The following MLIP variants were observed in gnomAD, a reference collection of about 807,000 sequenced individuals.
The protein encoded by MLIP is muscular LMNA interacting protein, also known as muscular LMNA-interacting protein.
Under a neutral mutation model 84.8 loss-of-function variants are expected in MLIP, and 79 were observed. The observed-to-expected ratio is 0.93, with a 90% CI of 0.78 to 1.12. The LOEUF is 1.12. Among genes scored for constraint, MLIP ranks in the 50% most tolerant of loss-of-function variants. MLIP has a pLI of 0.00. For missense variants in MLIP, 1,257 were observed against 1,160.6 expected (o/e 1.08, Z -1.21); for synonymous variants, 504 against 463.0 (o/e 1.09, Z -1.14).
intron 9 of MLIP, among the ~76,000 whole-genome samples, chr6:54,179,031 T>C (rs1189370425): frequency 2.0e-5 from 3 of 152,194 alleles, no homozygotes; most frequent in Non-Finnish European, 4.4e-5. Context: ...GAGGTCTATG[T>C]CTCTCTTTAG....
intron 9 of MLIP, among the ~76,000 whole-genome samples, chr6:54,181,269 C>T (rs751424126): frequency 6.6e-6 from 1 of 152,148 alleles, no homozygotes. Context: ...GGCAAAAGAG[C>T]CTCTCCCTGT....
Position 54,026,854 on chromosome 6 carries a change from A to T in MLIP, c.63+7763A>T, listed in dbSNP as rs115505875. ...ATTCCAGGAGACTGGTAGGTAATAC[A>T]GTTAAAGTTGTGCTTGTATGGCTTT... On this transcript the variant is annotated intron_variant, in intron 1 of 12. Coordinates refer to the MLIP transcript ENST00000274897. Among the ~76,000 whole-genome samples the T allele has an allele frequency of 4.3e-3, 655 of 152,284 alleles. 1 individual carries two copies. The highest frequency in any genetic ancestry group is 0.012 in the Admixed American group (181 of 15,288).
intron 8 of MLIP, among the ~76,000 whole-genome samples, chr6:54,164,542 A>G (rs529099121): frequency 1.5e-3 from 230 of 151,962 alleles, no homozygotes; most frequent in Non-Finnish European, 3.0e-3. Flanking sequence ...AAAAGAATCC[A>G]ATCATATAAT....
intron 1 of MLIP, among the ~76,000 whole-genome samples, chr6:54,094,743 C>T (rs935839683): frequency 1.3e-5 from 2 of 152,060 alleles, no homozygotes; most frequent in East Asian, 3.9e-4. Flanking sequence ...ACCCACCGAC[C>T]CCAAATGTGT....
intron 1 of MLIP, among the ~76,000 whole-genome samples, chr6:54,082,178 G>A (rs1271363036): frequency 6.6e-6 from 1 of 151,856 alleles, no homozygotes. Context: ...ATAATTCTAG[G>A]TAATTTATTT....
At chr6:54,035,805 T>C (rs910649615) in intron 1 of MLIP, among the ~76,000 whole-genome samples, 4 of 152,046 alleles carry the variant, frequency 2.6e-5, no homozygotes, top group African/African-American at 9.6e-5. Flanking sequence ...TGGTTTTTAA[T>C]TGGGGTTTTT....
At chr6:54,027,735 T>C (rs1222135020) in intron 1 of MLIP, among the ~76,000 whole-genome samples, 1 of 152,230 alleles carries the variant, frequency 6.6e-6, no homozygotes, top group Non-Finnish European at 1.5e-5. Context: ...TTCTACTTTA[T>C]GGTTCAAATC....
At chr6:54,182,584 C>T (rs1341589254) in intron 9 of MLIP, among the ~76,000 whole-genome samples, 1 of 152,170 alleles carries the variant, frequency 6.6e-6, no homozygotes, top group Non-Finnish European at 1.5e-5. Context: ...AGTTTTTATT[C>T]TACCATCTTG....
intron 1 of MLIP, chr6:54,047,011 CA>C (rs1418580038): frequency 2.6e-5 from 4 of 152,148 alleles, no homozygotes; most frequent in African/African-American, 9.7e-5. Flanking sequence ...GAGTTCACTG[CA>C]CTTGAGATTA....
At chr6:54,177,387 CACAA>C (rs1449403077) in intron 9 of MLIP, among the ~76,000 whole-genome samples, 12 of 151,854 alleles carry the variant, frequency 7.9e-5, no homozygotes, top group Admixed American at 2.0e-4. Flanking sequence ...GGACAAAGGA[CACAA>C]ACAGACAATT....
chr6:54,183,743 G>GTTTTTTTTTTTT (rs3996970), intron 9 of MLIP, among the ~76,000 whole-genome samples: 1 of 116,722 alleles, frequency 8.6e-6, no homozygotes, highest in Admixed American at 1.0e-4. Flanking sequence ...GACAGGGTAA[G>GTTTTTTTTTTTT]TTTTTTTTTT....
chr6:54,222,886 C>A (rs4712059), intron 11 of MLIP, among the ~76,000 whole-genome samples: 102,821 of 151,926 alleles, frequency 0.68, 37,907 homozygotes, highest in Non-Finnish European at 0.81. Context: ...ACACTCATTC[C>A]TATTGCTAAT....
chr6:54,106,307 C>G (rs1769011672), intron 1 of MLIP, among the ~76,000 whole-genome samples: 1 of 151,238 alleles, frequency 6.6e-6, no homozygotes, highest in Non-Finnish European at 1.5e-5. Flanking sequence ...TTTTTTTTTT[C>G]TTGAAGAAGA....
intron 12 of MLIP, among the ~76,000 whole-genome samples, chr6:54,249,547 T>C (rs1016382595): frequency 1.3e-5 from 2 of 151,758 alleles, no homozygotes; most frequent in Non-Finnish European, 2.9e-5. Flanking sequence ...CAGACCTCAA[T>C]AAAGAAAAAA....
At chr6:54,121,704 G>A in intron 2 of MLIP, 102 bp downstream of exon 2, 1 of 893,594 alleles carries the variant, frequency 1.1e-6, no homozygotes, top group South Asian at 1.8e-5. Context: ...AAATTAAGGT[G>A]ACTGTGACTC....
chr6:54,055,051 C>A (rs1476339308), intron 1 of MLIP, among the ~76,000 whole-genome samples: 1 of 152,130 alleles, frequency 6.6e-6, no homozygotes. Context: ...CCACGCCCAG[C>A]TATTTTTTTG....
At chr6:54,044,334 C>T (rs911048830) in intron 1 of MLIP, among the ~76,000 whole-genome samples, 3 of 152,170 alleles carry the variant, frequency 2.0e-5, no homozygotes, top group African/African-American at 2.4e-5. Flanking sequence ...CCTTGAGTTG[C>T]CATCTCTAAG....
At chr6:54,109,418 T>C (rs1769256353), upstream of MLIP, among the ~76,000 whole-genome samples, 1 of 152,154 alleles carries the variant, frequency 6.6e-6, no homozygotes, top group African/African-American at 2.4e-5. Flanking sequence ...CATCCACATT[T>C]CACAGGTGAG....
Position 54,160,727 on chromosome 6 carries a change from C to A in MLIP, c.2440-13C>A. The A allele has an allele frequency of 2.6e-6, 4 of 1,534,482 alleles. No individual in the cohort carries two copies. The highest frequency in any genetic ancestry group is 1.4e-5 in the African/African-American group (1 of 72,778). On this transcript the variant is annotated splice_polypyrimidine_tract_variant and intron_variant, in intron 7 of 13. Coordinates refer to ENST00000502396, the MANE Select transcript of MLIP (RefSeq NM_001281747.2). ...TTTTCTCTTCTTCTTTCCTTCCTTTCTTTTTTTTTCAGCATTCTTCTGATT... is the reference window on the plus strand; with the variant it reads ...TTTTCTCTTCTTCTTTCCTTCCTTTATTTTTTTTTCAGCATTCTTCTGATT...
Sources: allele counts gnomAD v4.1 joint callset (sites outside exome capture counted in the v4.1 genomes callset), GRCh38; gene constraint gnomAD v4.1.1; transcripts MANE v1.5; gene names NCBI Gene and HGNC (gene_info 2026-07-23, HGNC 2026-07-21).